Variants in MKLN1 observed in about 807,000 individuals in gnomAD.
MKLN1 encodes the protein muskelin 1.
MKLN1 carries 18 observed loss-of-function variants against 99.0 expected under a neutral mutation model. The observed-to-expected ratio is 0.18, with a 90% CI of 0.13 to 0.27. The LOEUF (loss-of-function observed/expected upper bound fraction) is 0.27, where lower values mean the gene tolerates loss of function less well. MKLN1 is among the 10% of genes least tolerant of loss of function. The pLI is 1.00. For missense variants in MKLN1, 621 were observed against 875.9 expected (o/e 0.71, Z 3.67); for synonymous variants, 288 against 293.2 (o/e 0.98, Z 0.18).
chr7:131,358,382 A>T (rs1178483797), intron 1 of MKLN1, among the ~76,000 whole-genome samples: 1 of 152,140 alleles, frequency 6.6e-6, no homozygotes, highest in Non-Finnish European at 1.5e-5. Context: ...TGTAATAAGT[A>T]CGTTTTATTG....
intron 2 of MKLN1, among the ~76,000 whole-genome samples, chr7:131,196,319 A>G (rs547934252): frequency 3.3e-5 from 5 of 152,310 alleles, no homozygotes; most frequent in African/African-American, 1.2e-4. Flanking sequence ...TAGGTATCCA[A>G]CCATTTATAA....
At position 131,443,038 on chromosome 7, in the gene MKLN1, A is replaced by G. The variant is rs572348944; in HGVS notation, c.1174-443A>G. Among the ~76,000 whole-genome samples, 4 of 152,352 alleles carry G rather than the reference A, an allele frequency of 2.6e-5. No individual in the cohort carries two copies. The South Asian group carries it at 8.3e-4, about 32-fold the overall frequency. On this transcript the variant is annotated intron_variant, in intron 10 of 17. Transcript: ENST00000352689. ...AAGGGTTTTATAAAAATAAATGCAGAGAGGTGAATTTAGCTTCACCACTCT... is the reference window on the plus strand; with the variant it reads ...AAGGGTTTTATAAAAATAAATGCAGGGAGGTGAATTTAGCTTCACCACTCT...
intron 2 of MKLN1, among the ~76,000 whole-genome samples, chr7:131,156,769 C>A (rs1400771725): frequency 2.0e-5 from 3 of 152,140 alleles, no homozygotes; most frequent in African/African-American, 7.2e-5. Context: ...CAGGACATAA[C>A]CCCATTGTAA....
intron 3 of MKLN1, among the ~76,000 whole-genome samples, chr7:131,320,463 A>T (rs1170672426): frequency 6.6e-6 from 1 of 152,228 alleles, no homozygotes; most frequent in Non-Finnish European, 1.5e-5. Context: ...TAAAACCCCA[A>T]GCCATAAAAA....
chr7:131,154,014 T>C (rs1475158164), intron 2 of MKLN1, among the ~76,000 whole-genome samples: 1 of 151,938 alleles, frequency 6.6e-6, no homozygotes, highest in Non-Finnish European at 1.5e-5. Flanking sequence ...TAGGATATAT[T>C]ACAAAAAAAT....
intron 2 of MKLN1, among the ~76,000 whole-genome samples, chr7:131,166,195 C>T (rs2116324122): frequency 6.6e-6 from 1 of 152,170 alleles, no homozygotes; most frequent in South Asian, 2.1e-4. Flanking sequence ...GGAGTATTGA[C>T]AGAGCTTGGC....
chr7:131,442,338 G>A (rs1213258451), intron 10 of MKLN1, among the ~76,000 whole-genome samples: 2 of 152,092 alleles, frequency 1.3e-5, no homozygotes, highest in Admixed American at 1.3e-4. Context: ...ACCTGAGGTC[G>A]AGAGTTCAAG....
At chr7:131,344,948 C>G (rs61649941) in intron 1 of MKLN1, among the ~76,000 whole-genome samples, 1 of 151,938 alleles carries the variant, frequency 6.6e-6, no homozygotes, top group Non-Finnish European at 1.5e-5. Flanking sequence ...ATTACAGGCA[C>G]GCACCACTGC....
At chr7:131,132,875 G>A (rs544000985) in intron 1 of MKLN1, among the ~76,000 whole-genome samples, 2 of 132,748 alleles carry the variant, frequency 1.5e-5, no homozygotes, top group South Asian at 2.6e-4. Flanking sequence ...GCAGTGGACC[G>A]AGATCAAGCC....
intron 1 of MKLN1, among the ~76,000 whole-genome samples, chr7:131,362,122 G>A (rs752067294): frequency 5.9e-5 from 9 of 151,846 alleles, no homozygotes; most frequent in Non-Finnish European, 1.2e-4. Flanking sequence ...TTTATTTTGA[G>A]TATAAAATAC....
upstream of MKLN1, chr7:131,327,739 TGA>T (rs1016256341): frequency 5.9e-5 from 76 of 1,291,442 alleles, no homozygotes; most frequent in Non-Finnish European, 7.7e-5. Context: ...TGGGAAACCC[TGA>T]GATAGGACAT....
chr7:131,203,488 G>C (rs1796760960), intron 3 of MKLN1, among the ~76,000 whole-genome samples: 1 of 152,164 alleles, frequency 6.6e-6, no homozygotes, highest in Non-Finnish European at 1.5e-5. Flanking sequence ...CTCAGGAAAG[G>C]AGGGTTGGCC....
chr7:131,391,256 A>G (rs1309312277), intron 4 of MKLN1, among the ~76,000 whole-genome samples: 1 of 152,102 alleles, frequency 6.6e-6, no homozygotes, highest in East Asian at 1.9e-4. Context: ...AATTTGACTT[A>G]AAAAAAGCCT....
intron 3 of MKLN1, among the ~76,000 whole-genome samples, chr7:131,318,626 G>A (rs976631721): frequency 2.0e-5 from 3 of 151,928 alleles, no homozygotes; most frequent in Admixed American, 1.3e-4. Flanking sequence ...GAAGGAGATA[G>A]AGACACAAAA....
chr7:131,174,054 G>T (rs1796257445), intron 2 of MKLN1, among the ~76,000 whole-genome samples: 1 of 145,764 alleles, frequency 6.9e-6, no homozygotes, highest in Non-Finnish European at 1.5e-5. Context: ...CTCACTGCAA[G>T]CTCTGCCTCC....
rs116349509 is a variant in MKLN1, at chr7:131,218,415, G to A, written c.-179+15441G>A. On this transcript the variant is annotated intron_variant, in intron 3 of 7. Coordinates refer to the MKLN1 transcript ENST00000416992. ...GGACTTACGTTAGTTATATGAAAGT[G>A]GTTTTGGTCCCTGAGCAAGTAGAGG... Among the ~76,000 whole-genome samples the A allele has an allele frequency of 3.8e-3, 576 of 152,284 alleles. 4 individuals carry two copies. Among genetic ancestry groups the A allele is most frequent in the African/African-American group, 0.013 (547 of 41,562 alleles).
chr7:131,231,129 A>AAAT (rs1797237453), intron 3 of MKLN1, among the ~76,000 whole-genome samples: 1 of 151,152 alleles, frequency 6.6e-6, no homozygotes, highest in Non-Finnish European at 1.5e-5. Flanking sequence ...CAAAAAAAAA[A>AAAT]AAAAAAAAAA....
At chr7:131,283,347 TCCTTCC>T (rs1798084449) in intron 3 of MKLN1, among the ~76,000 whole-genome samples, 6 of 14,632 alleles carry the variant, frequency 4.1e-4, no homozygotes, top group Non-Finnish European at 6.7e-4. Flanking sequence ...TCCCTTCCCC[TCCTTCC>T]TTCCTTCCTT....
At chr7:131,192,067 TTA>T (rs1563247028) in intron 2 of MKLN1, among the ~76,000 whole-genome samples, 2 of 106,824 alleles carry the variant, frequency 1.9e-5, no homozygotes, top group African/African-American at 7.8e-5. Context: ...TATATATATA[TTA>T]TATATATACA....
Sources: gnomAD v4.1 joint callset for allele counts (sites outside exome capture counted in the v4.1 genomes callset) on GRCh38, gnomAD v4.1.1 for gene constraint, MANE v1.5 for transcripts, NCBI Gene and HGNC (gene_info 2026-07-23, HGNC 2026-07-21) for gene names.